The following TAFA2 variants were observed in gnomAD, a reference collection of about 807,000 sequenced individuals.
TAFA2 encodes chemokine-like protein TAFA-2.
TAFA2 carries 7 observed loss-of-function variants against 18.8 expected under a neutral mutation model. The ratio of observed to expected loss-of-function variants is 0.37; its 90% CI spans 0.21 to 0.70. The LOEUF (loss-of-function observed/expected upper bound fraction) is 0.70. Among genes scored for constraint, TAFA2 ranks in the 30% least tolerant of loss-of-function variants. TAFA2 has a pLI of 0.53. For synonymous variants in TAFA2, 60 were observed against 54.2 expected, an observed-to-expected ratio of 1.11 and a Z score of -0.47; for missense variants, 122 against 158.1, an observed-to-expected ratio of 0.77 and a Z score of 1.23.
intron 1 of TAFA2, among the ~76,000 whole-genome samples, chr12:61,875,950 G>C (rs1005471949): frequency 6.6e-6 from 1 of 151,980 alleles, no homozygotes; most frequent in African/African-American, 2.4e-5. Context: ...GAATAAGAAA[G>C]GAAAATTCCA....
intron 4 of TAFA2, among the ~76,000 whole-genome samples, chr12:61,714,754 T>G (rs959399393): frequency 1.6e-4 from 24 of 152,356 alleles, no homozygotes; most frequent in Admixed American, 1.2e-3. Context: ...TTCAATAATC[T>G]ATTCTGTCCT....
chr12:61,850,728 G>T (rs993775894), intron 2 of TAFA2, among the ~76,000 whole-genome samples: 13 of 151,934 alleles, frequency 8.6e-5, no homozygotes, highest in African/African-American at 3.1e-4. Flanking sequence ...TACAGTGAAA[G>T]ATTATTCATT....
chr12:62,064,512 G>C (rs1882436376), intron 1 of TAFA2, among the ~76,000 whole-genome samples: 1 of 152,018 alleles, frequency 6.6e-6, no homozygotes, highest in Non-Finnish European at 1.5e-5. Flanking sequence ...ACAATGAAAA[G>C]AGGATAAAAG....
At chr12:62,224,776 A>T (rs2062778960) in intron 1 of TAFA2, among the ~76,000 whole-genome samples, 1 of 152,224 alleles carries the variant, frequency 6.6e-6, no homozygotes. Context: ...GGTAACAGGA[A>T]TTGATGGTAA....
At chr12:62,130,045 A>G (rs879360204) in intron 1 of TAFA2, among the ~76,000 whole-genome samples, 6 of 152,042 alleles carry the variant, frequency 3.9e-5, no homozygotes, top group Non-Finnish European at 8.8e-5. Context: ...ACAATGATAA[A>G]CATAAATCCA....
intron 1 of TAFA2, among the ~76,000 whole-genome samples, chr12:62,200,179 CA>C (rs994708501): frequency 1.3e-5 from 2 of 152,110 alleles, no homozygotes; most frequent in Non-Finnish European, 2.9e-5. Context: ...GGATAGACTG[CA>C]AAATTTTCTC....
intron 1 of TAFA2, among the ~76,000 whole-genome samples, chr12:62,217,506 A>G (rs969182074): frequency 6.6e-6 from 1 of 152,242 alleles, no homozygotes; most frequent in Non-Finnish European, 1.5e-5. Flanking sequence ...GTTATGAGGT[A>G]GGTTCTCCCA....
intron 2 of TAFA2, among the ~76,000 whole-genome samples, chr12:61,825,218 A>C (rs1299030998): frequency 6.6e-6 from 1 of 152,134 alleles, no homozygotes; most frequent in East Asian, 1.9e-4. Flanking sequence ...GGCCTGAACT[A>C]GGCTGGAATG....
At chr12:61,772,566 G>C (rs942487340) in intron 2 of TAFA2, among the ~76,000 whole-genome samples, 7 of 151,886 alleles carry the variant, frequency 4.6e-5, no homozygotes, top group African/African-American at 1.7e-4. Flanking sequence ...ACATATGCAA[G>C]TCAATAAATG....
chr12:61,724,371 T>C (rs570650844), intron 4 of TAFA2, among the ~76,000 whole-genome samples: 295 of 151,934 alleles, frequency 1.9e-3, no homozygotes, highest in African/African-American at 6.6e-3. Flanking sequence ...CTCTCCTCTC[T>C]CCTTCCTTCC....
chr12:61,724,799 GTGTA>G (rs1342572846), intron 4 of TAFA2, among the ~76,000 whole-genome samples: 6 of 126,222 alleles, frequency 4.8e-5, no homozygotes, highest in South Asian at 5.1e-4. Context: ...GTGTGTGTGT[GTGTA>G]TACACCAGAT....
intron 1 of TAFA2, among the ~76,000 whole-genome samples, chr12:61,947,400 A>G (rs969803770): frequency 1.3e-5 from 2 of 151,448 alleles, no homozygotes; most frequent in African/African-American, 4.9e-5. Flanking sequence ...TGGCACATGT[A>G]TACATATGTA....
intron 4 of TAFA2, among the ~76,000 whole-genome samples, chr12:61,720,437 CT>C (rs1325382618): frequency 1.3e-5 from 2 of 152,142 alleles, no homozygotes; most frequent in Non-Finnish European, 2.9e-5. Flanking sequence ...AACATAATGG[CT>C]CTTTGTGGCC....
chr12:61,892,299 T>C (rs994332226), intron 1 of TAFA2, among the ~76,000 whole-genome samples: 4 of 152,080 alleles, frequency 2.6e-5, no homozygotes, highest in East Asian at 1.9e-4. Flanking sequence ...TGGAACATAT[T>C]AAGTTTGAGA....
intron 2 of TAFA2, among the ~76,000 whole-genome samples, chr12:61,803,535 A>G (rs1234790821): frequency 6.6e-6 from 1 of 151,976 alleles, no homozygotes; most frequent in African/African-American, 2.4e-5. Context: ...CAATAATTGT[A>G]CAGCTTATGG....
chr12:61,986,523 T>C (rs868386157), intron 1 of TAFA2, among the ~76,000 whole-genome samples: 28 of 151,888 alleles, frequency 1.8e-4, no homozygotes, highest in Admixed American at 9.8e-4. Context: ...GGTCTCAAAC[T>C]CCTGGCCTCA....
intron 1 of TAFA2, among the ~76,000 whole-genome samples, chr12:62,108,830 A>C (rs547825277): frequency 3.3e-5 from 5 of 151,718 alleles, no homozygotes; most frequent in African/African-American, 1.2e-4. Flanking sequence ...TTTTTGAAGG[A>C]GTTGTTTTTT....
At chr12:61,776,042 A>G in intron 2 of TAFA2, 1 of 389,106 alleles carries the variant, frequency 2.6e-6, no homozygotes, top group Non-Finnish European at 4.9e-6. Context: ...GTGATATTGT[A>G]GACATAAGGG....
chr12:61,940,826 C>A (rs973136504), intron 1 of TAFA2, among the ~76,000 whole-genome samples: 3 of 152,064 alleles, frequency 2.0e-5, no homozygotes, highest in African/African-American at 7.2e-5. Context: ...CCGCTGAATG[C>A]CACTAGAATA....
Sources: allele counts gnomAD v4.1 joint callset (sites outside exome capture counted in the v4.1 genomes callset), GRCh38; gene constraint gnomAD v4.1.1; transcripts MANE v1.5; gene names NCBI Gene and HGNC (gene_info 2026-07-23, HGNC 2026-07-21).